The following ANK2 variants were observed in gnomAD, a reference collection of about 807,000 sequenced individuals.
The protein encoded by ANK2 is ankyrin 2.
A neutral mutation model predicts 360.5 loss-of-function variants in ANK2; 83 were observed. That is an observed-to-expected ratio of 0.23 (90% CI 0.19 to 0.28). ANK2 has a LOEUF of 0.28. ANK2 is among the 10% of genes least tolerant of loss of function. The pLI is 1.00. For synonymous variants in ANK2, 1,740 were observed against 1,759.5 expected, an observed-to-expected ratio of 0.99 and a Z score of 0.28; for missense variants, 4,201 against 4,795.7, an observed-to-expected ratio of 0.88 and a Z score of 3.66.
At chr4:112,838,610 G>C (rs937732831) in intron 1 of ANK2, among the ~76,000 whole-genome samples, 2 of 152,234 alleles carry the variant, frequency 1.3e-5, no homozygotes, top group African/African-American at 2.4e-5. Context: ...GCTCATGCCT[G>C]TAATCCCAGC....
rs368569512 is a variant in ANK2 at position 113,357,170 on chromosome 4, C to T, written c.8552C>T (p.Pro2851Leu). The T allele has an allele frequency of 1.0e-4, 164 of 1,614,120 alleles. 3 individuals carry two copies. The highest frequency in any genetic ancestry group is 8.0e-4 in the South Asian group (73 of 91,086). The change falls in exon 38 of 46, where the codon CCT becomes CTT. Residue 2851 changes from proline to leucine, a missense_variant. Pro to Leu is a moderately conservative substitution (Grantham distance 98, BLOSUM62 -3). Transcript: ENST00000357077. The part of the protein sequence containing the change: ...SESFSSSSSL[P>L]HCLVSEGKEL... ...AGCTTTTCATCTTCATCCTCTTTGC[C>T]TCATTGTTTGGTATCTGAAGGAAAA...
At chr4:112,975,510 A>C (rs1379694556) in intron 2 of ANK2, among the ~76,000 whole-genome samples, 1 of 152,230 alleles carries the variant, frequency 6.6e-6, no homozygotes, top group Non-Finnish European at 1.5e-5. Flanking sequence ...TGTATTCAGT[A>C]TTACACAAAA....
intron 1 of ANK2, among the ~76,000 whole-genome samples, chr4:112,879,722 C>G (rs1192320203): frequency 6.6e-6 from 1 of 152,098 alleles, no homozygotes; most frequent in Non-Finnish European, 1.5e-5. Context: ...CTAAAAGCAA[C>G]CACAAAGGGA....
At chr4:112,885,231 T>C (rs2077924111) in intron 1 of ANK2, among the ~76,000 whole-genome samples, 1 of 152,202 alleles carries the variant, frequency 6.6e-6, no homozygotes, top group African/African-American at 2.4e-5. Flanking sequence ...CCGGGCGTGG[T>C]GGTTCACGCC....
intron 18 of ANK2, among the ~76,000 whole-genome samples, chr4:113,287,277 G>A (rs29362): frequency 0.65 from 99,323 of 152,116 alleles, 32,505 homozygotes; most frequent in East Asian, 0.72. Context: ...TTGATACAGC[G>A]GGACATCCAG....
rs114682504 is a variant in ANK2 at position 113,107,507 on chromosome 4, G to A, written c.84+57695G>A. ...GCTGGGATTATAGGCATGAGCCACC[G>A]CGCCCAGCCAGTGTTGGATTTTATC... is the stretch of plus-strand genomic sequence containing the variant. On this transcript the variant is annotated intron_variant, in intron 1 of 45. Coordinates refer to ENST00000357077, the MANE Select transcript of ANK2 (RefSeq NM_001148.6). Among the ~76,000 whole-genome samples, 978 of 152,228 alleles carry A rather than the reference G, an allele frequency of 6.4e-3. 5 individuals carry two copies. The highest frequency in any genetic ancestry group is 9.8e-3 in the Non-Finnish European group (669 of 68,002).
intron 2 of ANK2, among the ~76,000 whole-genome samples, chr4:113,021,550 A>ATATATATG (rs1480513900): frequency 4.2e-5 from 4 of 94,522 alleles, no homozygotes; most frequent in African/African-American, 1.5e-4. Flanking sequence ...ACATATATAT[A>ATATATATG]TATATATATA....
At chr4:113,140,125 C>G (rs1270359626) in intron 1 of ANK2, among the ~76,000 whole-genome samples, 1 of 151,998 alleles carries the variant, frequency 6.6e-6, no homozygotes, top group Non-Finnish European at 1.5e-5. Flanking sequence ...ATTGAATGTA[C>G]CCAAACACGG....
intron 1 of ANK2, among the ~76,000 whole-genome samples, chr4:113,075,191 TGAGAA>T (rs2079397507): frequency 6.6e-6 from 1 of 152,230 alleles, no homozygotes; most frequent in Non-Finnish European, 1.5e-5. Flanking sequence ...AGTAATTAAT[TGAGAA>T]GAGTAGAGAA....
chr4:112,809,297 C>G, the ANK2 span, among the ~76,000 whole-genome samples: 1 of 151,000 alleles, frequency 6.6e-6, no homozygotes, highest in Admixed American at 6.6e-5. Context: ...CGCGGTGGCT[C>G]ACGCCTGTAA....
intron 1 of ANK2, among the ~76,000 whole-genome samples, chr4:113,121,779 T>C (rs2095374507): frequency 6.6e-6 from 1 of 152,136 alleles, no homozygotes; most frequent in African/African-American, 2.4e-5. Context: ...AGGTTCTGAT[T>C]AGTTATTTGC....
chr4:112,822,015 G>A (rs138974874), intron 1 of ANK2, among the ~76,000 whole-genome samples: 2,644 of 151,988 alleles, frequency 0.017, 90 homozygotes, highest in African/African-American at 0.058. Flanking sequence ...CGATCCACCC[G>A]CCTCAGCCTC....
At chr4:112,812,867 C>A in the ANK2 span, among the ~76,000 whole-genome samples, 1 of 152,132 alleles carries the variant, frequency 6.6e-6, no homozygotes, top group Non-Finnish European at 1.5e-5. Context: ...CTTATACATT[C>A]TCTGCCTCAG....
chr4:112,807,127 C>A, the ANK2 span, among the ~76,000 whole-genome samples: 3 of 152,186 alleles, frequency 2.0e-5, no homozygotes, highest in Non-Finnish European at 4.4e-5. Flanking sequence ...TCATGTCCTG[C>A]TGCTCCATAC....
At chr4:112,719,034 A>G in the ANK2 span, among the ~76,000 whole-genome samples, 1 of 152,242 alleles carries the variant, frequency 6.6e-6, no homozygotes, top group South Asian at 2.1e-4. Flanking sequence ...CCATTCATAT[A>G]TTCAACATCT....
intron 1 of ANK2, among the ~76,000 whole-genome samples, chr4:112,851,821 A>G (rs2065067354): frequency 6.6e-6 from 1 of 151,932 alleles, no homozygotes. Flanking sequence ...ACGAGGTTTC[A>G]CCGTGTTGGT....
At chr4:112,818,593 T>C (rs2056048514) in intron 1 of ANK2, among the ~76,000 whole-genome samples, 1 of 152,188 alleles carries the variant, frequency 6.6e-6, no homozygotes, top group Non-Finnish European at 1.5e-5. Flanking sequence ...GTTCCCTGTA[T>C]GATAAGCAGG....
chr4:113,287,597 T>A lies in ANK2; in HGVS notation c.2080-8T>A. On this transcript the variant is annotated splice_region_variant and splice_polypyrimidine_tract_variant and intron_variant, in intron 18 of 45. Transcript: ENST00000357077. The stretch of plus-strand genomic sequence containing the variant: ...AACTGTATCCCTTTGGTTCCATTCT[T>A]TCTGTAGAGTGGACTCACATCCTTA... 1 of 1,583,630 alleles carries A rather than the reference T, an allele frequency of 6.3e-7. No individual in the cohort carries two copies. The highest frequency in any genetic ancestry group is 2.2e-5 in the East Asian group (1 of 44,748).
intron 2 of ANK2, among the ~76,000 whole-genome samples, chr4:112,986,298 A>T (rs188450833): frequency 6.6e-6 from 1 of 152,300 alleles, no homozygotes; most frequent in African/African-American, 2.4e-5. Context: ...CATTAAAGAC[A>T]TATTAGAAAG....
Sources: gnomAD v4.1 joint callset for allele counts (sites outside exome capture counted in the v4.1 genomes callset) on GRCh38, gnomAD v4.1.1 for gene constraint, MANE v1.5 for transcripts, NCBI Gene and HGNC (gene_info 2026-07-23, HGNC 2026-07-21) for gene names.